Variants in TBXAS1 observed in about 807,000 individuals in gnomAD.
TBXAS1 encodes thromboxane A synthase 1.
Under a neutral mutation model 60.7 loss-of-function variants are expected in TBXAS1, and 48 were observed. The observed-to-expected ratio is 0.79, with a 90% confidence interval of 0.63 to 1.01. The LOEUF (loss-of-function observed/expected upper bound fraction) is 1.01. Among genes scored for constraint, TBXAS1 ranks in the 50% least tolerant of loss-of-function variants. TBXAS1 has a pLI of 0.00. For synonymous variants in TBXAS1, 287 were observed against 269.7 expected, an observed-to-expected ratio of 1.06 and a Z score of -0.63; for missense variants, 685 against 686.3, an observed-to-expected ratio of 1.00 and a Z score of 0.02.
At chr7:139,839,694 A>C (rs1040767311) in intron 1 of TBXAS1, among the ~76,000 whole-genome samples, 11 of 149,484 alleles carry the variant, frequency 7.4e-5, no homozygotes, top group Non-Finnish European at 1.5e-4. Flanking sequence ...AAAAAAAAAA[A>C]ACAAATCAAA....
At chr7:139,873,060 G>T (rs1325514946) in intron 2 of TBXAS1, among the ~76,000 whole-genome samples, 1 of 152,152 alleles carries the variant, frequency 6.6e-6, no homozygotes, top group Admixed American at 6.5e-5. Context: ...CAGAGGAGAG[G>T]GTGATCTGTC....
At chr7:139,956,549 T>G (rs757539887) in intron 7 of TBXAS1, among the ~76,000 whole-genome samples, 1 of 152,252 alleles carries the variant, frequency 6.6e-6, no homozygotes, top group Non-Finnish European at 1.5e-5. Flanking sequence ...TGGTATTGAT[T>G]ATTGCCATGA....
At chr7:139,791,393 C>G (rs1797376922) in intron 4 of TBXAS1, among the ~76,000 whole-genome samples, 1 of 152,118 alleles carries the variant, frequency 6.6e-6, no homozygotes, top group African/African-American at 2.4e-5. Flanking sequence ...TGGAGGATAC[C>G]CCCACGGGAG....
At chr7:139,783,245 C>T (rs1797057677) in intron 3 of TBXAS1, among the ~76,000 whole-genome samples, 1 of 151,842 alleles carries the variant, frequency 6.6e-6, no homozygotes. Flanking sequence ...AAACATCATT[C>T]ATTTTTCTGC....
chr7:139,875,821 C>A (rs1463701081), intron 3 of TBXAS1, 184 bp downstream of exon 3: 1 of 777,094 alleles, frequency 1.3e-6, no homozygotes, highest in Non-Finnish European at 2.1e-6. Context: ...CTAGAGAAGA[C>A]CCTGGGGTTG....
At chr7:140,006,678 C>T (rs1377647312) in intron 9 of TBXAS1, among the ~76,000 whole-genome samples, 1 of 152,096 alleles carries the variant, frequency 6.6e-6, no homozygotes, top group Non-Finnish European at 1.5e-5. Context: ...CCATGACTAC[C>T]CATGTGACAG....
chr7:139,941,284 G>A (rs1405118929), intron 5 of TBXAS1, among the ~76,000 whole-genome samples: 2 of 152,142 alleles, frequency 1.3e-5, no homozygotes, highest in African/African-American at 4.8e-5. Context: ...CTCTCTACCT[G>A]TGTCTTTAAG....
At chr7:139,960,543 C>G (rs867155586) in intron 8 of TBXAS1, among the ~76,000 whole-genome samples, 1 of 151,746 alleles carries the variant, frequency 6.6e-6, no homozygotes, top group Admixed American at 6.6e-5. Flanking sequence ...GTCAGGAGTT[C>G]GAGACCAGCC....
rs373789109 is a variant in TBXAS1, at chr7:139,957,339, C to T, written c.689-295C>T. ...GACCTTCAGGTCTCATCCCCAGGAC[C>T]TGAAACATTAATTTATGAGGGTGAC... is the stretch of plus-strand genomic sequence containing the variant. On this transcript the variant is annotated intron_variant, in intron 7 of 12. Coordinates refer to ENST00000448866, the MANE Select transcript of TBXAS1 (RefSeq NM_001061.7). Among the ~76,000 whole-genome samples the T allele has an allele frequency of 9.9e-5, 15 of 152,174 alleles. No homozygotes were observed. In the East Asian group the frequency reaches 1.2e-3, roughly 12 times the overall value.
At chr7:140,011,169 A>C (rs139190979) in intron 10 of TBXAS1, among the ~76,000 whole-genome samples, 2,707 of 151,848 alleles carry the variant, frequency 0.018, 53 homozygotes, top group African/African-American at 0.037. Context: ...CCCAGCTACA[A>C]GGGAGGCTAA....
chr7:139,862,802 A>G (rs973808343), intron 1 of TBXAS1, among the ~76,000 whole-genome samples: 3 of 152,130 alleles, frequency 2.0e-5, no homozygotes, highest in Non-Finnish European at 2.9e-5. Flanking sequence ...CACAATCATC[A>G]GTTCATTAGT....
intron 10 of TBXAS1, among the ~76,000 whole-genome samples, chr7:140,012,296 C>T (rs1311167540): frequency 1.3e-5 from 2 of 152,050 alleles, no homozygotes; most frequent in Admixed American, 6.5e-5. Context: ...ATGCTGAAGT[C>T]AGAGAGAGAC....
chr7:139,996,809 T>C (rs1813331416), intron 9 of TBXAS1, among the ~76,000 whole-genome samples: 1 of 152,244 alleles, frequency 6.6e-6, no homozygotes, highest in South Asian at 2.1e-4. Flanking sequence ...TGTTTTGGGA[T>C]GGGCCCCAGC....
intron 7 of TBXAS1, 125 bp from the exon 8 acceptor site, chr7:139,957,509 G>T (rs1165545068): frequency 8.1e-7 from 1 of 1,233,814 alleles, no homozygotes; most frequent in Non-Finnish European, 1.2e-6. Flanking sequence ...CAGTGCGGCG[G>T]GGAGGGCAGG....
In TBXAS1 at chr7:139,980,740, C is replaced by T. The variant is rs1043879839; in HGVS notation, c.1134+18507C>T. Among the ~76,000 whole-genome samples the T allele has an allele frequency of 2.6e-5, 4 of 151,942 alleles. No individual in the cohort carries two copies. The South Asian group carries it at 8.3e-4, about 32-fold the overall frequency. On this transcript the variant is annotated intron_variant, in intron 9 of 12. Transcript: ENST00000448866. ...CACAGGCCTCACCTGCCTTCCCCCC[C>T]TGTCATTTCTGCAGCCAGCCTGTCT... is the stretch of plus-strand genomic sequence containing the variant.
At chr7:139,815,068 A>G (rs970262204) in intron 4 of TBXAS1, among the ~76,000 whole-genome samples, 3 of 152,260 alleles carry the variant, frequency 2.0e-5, no homozygotes, top group Non-Finnish European at 4.4e-5. Context: ...AACTGTCTAC[A>G]TGATACTGAT....
chr7:140,015,447 G>A (rs1362885747), intron 10 of TBXAS1, among the ~76,000 whole-genome samples: 15 of 152,178 alleles, frequency 9.9e-5, no homozygotes, highest in Admixed American at 9.8e-4. Context: ...TTGACAAATG[G>A]ATGCATGAAG....
At chr7:139,940,409 C>A (rs1359187945) in intron 5 of TBXAS1, among the ~76,000 whole-genome samples, 1 of 152,142 alleles carries the variant, frequency 6.6e-6, no homozygotes, top group South Asian at 2.1e-4. Context: ...CACCTAGGAC[C>A]CTTGTTAAAA....
intron 1 of TBXAS1, among the ~76,000 whole-genome samples, chr7:139,844,297 C>T (rs1799661427): frequency 6.6e-6 from 1 of 152,208 alleles, no homozygotes. Context: ...CAAATCCCCA[C>T]AGTTTGAAGC....
Sources: allele counts gnomAD v4.1 joint callset (sites outside exome capture counted in the v4.1 genomes callset), GRCh38; gene constraint gnomAD v4.1.1; transcripts MANE v1.5; gene names NCBI Gene and HGNC (gene_info 2026-07-23, HGNC 2026-07-21).